Variants in AK9 observed in about 807,000 individuals in gnomAD.
AK9 encodes the protein adenylate kinase 9.
Under a neutral mutation model 239.6 loss-of-function variants are expected in AK9, and 191 were observed. The observed-to-expected ratio is 0.80, with a 90% CI of 0.71 to 0.90. The LOEUF (loss-of-function observed/expected upper bound fraction) is 0.90, where lower values mean the gene tolerates loss of function less well. Among genes scored for constraint, AK9 ranks in the 40% least tolerant of loss-of-function variants. The pLI, the probability that AK9 is intolerant of heterozygous loss-of-function variation, is 0.00. For missense variants in AK9, 1,995 were observed against 2,214.7 expected (o/e 0.90, Z 1.99); for synonymous variants, 689 against 721.0 (o/e 0.96, Z 0.71).
intron 10 of AK9, among the ~76,000 whole-genome samples, chr6:109,638,355 T>C (rs1407639867): frequency 1.3e-5 from 2 of 152,244 alleles, no homozygotes; most frequent in Non-Finnish European, 2.9e-5. Flanking sequence ...TCCCAGCACA[T>C]ATCCCAGTTA....
At chr6:109,611,972 C>G in intron 16 of AK9, 38 bp downstream of exon 16, 1 of 1,353,946 alleles carries the variant, frequency 7.4e-7, no homozygotes, top group Non-Finnish European at 1.0e-6. Context: ...TTTAGAACCA[C>G]AATCTAAAAG....
intron 35 of AK9, among the ~76,000 whole-genome samples, chr6:109,506,094 A>G (rs540801121): frequency 6.6e-6 from 1 of 152,146 alleles, no homozygotes; most frequent in East Asian, 1.9e-4. Flanking sequence ...TCTTAATACT[A>G]TTACACTGGG....
intron 5 of AK9, among the ~76,000 whole-genome samples, chr6:109,666,526 G>A (rs749811589): frequency 9.2e-5 from 14 of 152,194 alleles, no homozygotes; most frequent in Middle Eastern, 3.2e-3. Context: ...CAGACTAGGT[G>A]CTTTGTAGGC....
chr6:109,569,487 C>T (rs1270962799), intron 21 of AK9, among the ~76,000 whole-genome samples: 1 of 152,180 alleles, frequency 6.6e-6, no homozygotes, highest in Non-Finnish European at 1.5e-5. Context: ...TCAGAGTGAA[C>T]AGGCAACCTA....
chr6:109,633,356 G>C (rs764067832), intron 10 of AK9, 33 bp from the exon 11 acceptor site: 1 of 1,566,118 alleles, frequency 6.4e-7, no homozygotes, highest in Non-Finnish European at 8.6e-7. Flanking sequence ...TAAAAATATG[G>C]GCATAAATTT....
intron 17 of AK9, among the ~76,000 whole-genome samples, chr6:109,598,335 G>C (rs1050112510): frequency 2.7e-5 from 4 of 150,098 alleles, no homozygotes; most frequent in African/African-American, 9.9e-5. Flanking sequence ...TTGGTTTTTT[G>C]TCCTTGCAAT....
At chr6:109,523,969 T>C (rs1294775872) in intron 29 of AK9, among the ~76,000 whole-genome samples, 1 of 152,146 alleles carries the variant, frequency 6.6e-6, no homozygotes, top group Non-Finnish European at 1.5e-5. Context: ...TTCTAGAACA[T>C]AATCCAAAGT....
At chr6:109,591,964 A>G (rs951343085) in intron 17 of AK9, among the ~76,000 whole-genome samples, 19 of 152,210 alleles carry the variant, frequency 1.2e-4, no homozygotes, top group African/African-American at 4.6e-4. Context: ...AAAATAAAGT[A>G]TAAAAACTGG....
chr6:109,502,957 ATGTG>A lies in AK9; in HGVS notation c.4849+3366_4849+3369del, dbSNP rs58542655. Among the ~76,000 whole-genome samples the A allele has an allele frequency of 7.4e-4, 107 of 145,492 alleles. No individual in the cohort carries two copies. The East Asian group carries it at 9.3e-3, about 13-fold the overall frequency. Reference sequence around the variant, plus strand: ...CAGATTTCTGACCCACAGGAACGGTATGTGTGTGTGTGTGTGTGTGTGTGTGTGT... The same window carrying A: ...CAGATTTCTGACCCACAGGAACGGTATGTGTGTGTGTGTGTGTGTGTGTGT... On this transcript the variant is annotated intron_variant, in intron 35 of 40. Coordinates refer to ENST00000424296, the MANE Select transcript of AK9 (RefSeq NM_001145128.3).
chr6:109,537,980 T>G (rs1444641064), intron 27 of AK9, among the ~76,000 whole-genome samples: 1 of 152,228 alleles, frequency 6.6e-6, no homozygotes, highest in Non-Finnish European at 1.5e-5. Flanking sequence ...CAGTTTGTTA[T>G]AATTTCTGTT....
intron 6 of AK9, 87 bp downstream of exon 6, chr6:109,662,462 CTA>C (rs1800559592): frequency 9.2e-7 from 1 of 1,083,334 alleles, no homozygotes; most frequent in African/African-American, 1.6e-5. Context: ...ATCTCCATAA[CTA>C]TTTAAAAATG....
intron 37 of AK9, 27 bp from the exon 38 acceptor site, chr6:109,497,590 C>A: frequency 6.7e-7 from 1 of 1,488,154 alleles, no homozygotes; most frequent in Non-Finnish European, 9.3e-7. Context: ...CAAAACAAAA[C>A]CTCTATTGTA....
chr6:109,636,143 C>A (rs1796682971), intron 10 of AK9, among the ~76,000 whole-genome samples: 1 of 152,130 alleles, frequency 6.6e-6, no homozygotes, highest in Non-Finnish European at 1.5e-5. Context: ...TTTTACTGTG[C>A]TAGGTGCCAG....
rs2128247525 is a variant in AK9 at position 109,619,076 on chromosome 6, T to A, written c.1399+16A>T. 1 of 1,528,654 alleles carries A rather than the reference T, an allele frequency of 6.5e-7. No homozygotes were observed. The highest frequency in any genetic ancestry group is 8.8e-7 in the Non-Finnish European group (1 of 1,140,370). The allele number at this position is 1,528,654 out of a possible 1,614,324, so 94.7% of individuals were successfully genotyped here. On this transcript the variant is annotated intron_variant, in intron 13 of 40. Coordinates refer to ENST00000424296, the MANE Select transcript of AK9 (RefSeq NM_001145128.3). Reference sequence around the variant, plus strand: ...TTACCTAAACTTAAAACACACATTTTAAAAAGATGTTTCACCTTGTTTTCT... The same window carrying A: ...TTACCTAAACTTAAAACACACATTTAAAAAAGATGTTTCACCTTGTTTTCT...
chr6:109,497,364 T>G (rs3932480), intron 38 of AK9, 101 bp downstream of exon 38: 8 of 420,310 alleles, frequency 1.9e-5, no homozygotes, highest in African/African-American at 3.2e-5. Context: ...ACACACACAC[T>G]CTCTCTCTCT....
Position 109,533,261 on chromosome 6 carries a change from G to T in AK9, c.3560C>A (p.Ala1187Glu), listed in dbSNP as rs1251926220. 6 of 1,598,736 alleles carry T rather than the reference G, an allele frequency of 3.8e-6. No individual in the cohort carries two copies. Among genetic ancestry groups the T allele is most frequent in the Admixed American group, 1.8e-5 (1 of 56,744 alleles). Residue 1187 changes from alanine to glutamate, a missense_variant, in exon 28 of 41, where the codon GCA (alanine) becomes GAA (glutamate). Physicochemically the swap from Ala to Glu is moderately radical, Grantham distance 107. Around this residue, in one of 5 missense-constraint regions of AK9, gnomAD observed 1,290 missense variants for 1,392.7 expected, o/e 0.93. Transcript: ENST00000424296. The stretch of plus-strand genomic sequence containing the variant: ...TTGCTAGATACATACCCTGATTTTT[G>T]CCTTCATGTCTTTGATCAGTTTCTT... ...ERKKLIKDMKAKIRVDTIAKR... is the reference protein window; with the variant it reads ...ERKKLIKDMKEKIRVDTIAKR...
rs1770879616 is a variant in AK9, at chr6:109,671,484, T to A, written c.331+435A>T. Among the ~76,000 whole-genome samples the A allele has an allele frequency of 2.0e-5, 3 of 152,242 alleles. No individual in the cohort carries two copies. The South Asian group carries it at 6.2e-4, about 31-fold the overall frequency. ...CAGAGGGCAGACTGGAAGAACAGGC[T>A]GAAGCCTGACAATATCTGGAGCTCA... On this transcript the variant is annotated intron_variant, in intron 5 of 40. Coordinates refer to ENST00000424296, the MANE Select transcript of AK9 (RefSeq NM_001145128.3).
chr6:109,629,636 T>A (rs9480983), intron 12 of AK9, among the ~76,000 whole-genome samples: 85,262 of 147,524 alleles, frequency 0.58, 25,147 homozygotes, highest in East Asian at 0.83. Context: ...ATTTGAAAAA[T>A]TTTTTTTTTT....
chr6:109,573,723 T>C, intron 20 of AK9, 129 bp from the exon 21 acceptor site: 7 of 834,514 alleles, frequency 8.4e-6, no homozygotes, highest in Non-Finnish European at 1.2e-5. Context: ...TGTAGTTTAA[T>C]GGGGGAGATA....
Sources: gnomAD v4.1 joint callset for allele counts (sites outside exome capture counted in the v4.1 genomes callset) on GRCh38, gnomAD v4.1.1 for gene constraint, gnomAD v4.1.1 regional missense constraint, MANE v1.5 for transcripts, NCBI Gene and HGNC (gene_info 2026-07-23, HGNC 2026-07-21) for gene names.